CERS4: variants seen among roughly 807,000 people sequenced by gnomAD.
The protein encoded by CERS4 is LAG1 homolog, ceramide synthase 4.
CERS4 carries 65 observed loss-of-function variants against 51.8 expected under a neutral mutation model. The observed-to-expected ratio is 1.26, with a 90% CI of 1.03 to 1.54. CERS4 has a LOEUF of 1.54. Ranked by LOEUF, CERS4 falls within the 40% of genes most tolerant of loss-of-function variation. The pLI, the probability that CERS4 is intolerant of heterozygous loss-of-function variation, is 0.00. For synonymous variants in CERS4, 228 were observed against 208.4 expected, an observed-to-expected ratio of 1.09 and a Z score of -0.81; for missense variants, 563 against 500.4, an observed-to-expected ratio of 1.13 and a Z score of -1.19.
In CERS4 at chr19:8,261,938, G is replaced by A. The variant is rs756694466; in HGVS notation, c.1014G>A (p.Lys338=). The A allele has an allele frequency of 6.2e-7, 1 of 1,608,474 alleles. No individual in the cohort carries two copies. Among genetic ancestry groups the A allele is most frequent in the Non-Finnish European group, 8.5e-7 (1 of 1,176,874 alleles). The part of the protein sequence containing the change: ...YSFMKKGQME[K]DIRSDVEESD... ...CTCTCTCTGTTCCCCAGATGGAGAA[G>A]GACATTCGTAGTGATGTAGAAGAAT... Residue 338 remains lysine, a synonymous_variant, in exon 12 of 12, where the codon AAG becomes AAA. Transcript: ENST00000251363.
At chr19:8,256,006 T>G (rs2306199) in intron 6 of CERS4, 127 bp downstream of exon 6, 388,036 of 1,113,442 alleles carry the variant, frequency 0.35, 72,186 homozygotes, top group Non-Finnish European at 0.4. Context: ...GAGCGAGCTT[T>G]GCAAGATGGT....
chr19:8,234,410 G>A (rs1373224655), intron 2 of CERS4, among the ~76,000 whole-genome samples: 1 of 152,066 alleles, frequency 6.6e-6, no homozygotes, highest in Non-Finnish European at 1.5e-5. Context: ...CAGTCCTCCC[G>A]AGTAGCTGCA....
chr19:8,220,891 G>A (rs556937290), intron 2 of CERS4, among the ~76,000 whole-genome samples: 13 of 150,782 alleles, frequency 8.6e-5, no homozygotes, highest in East Asian at 5.9e-4. Flanking sequence ...GTGCAACCTC[G>A]GCTCACTGCA....
rs778104716 is a variant in CERS4, at chr19:8,254,618, T to C, written c.291+2T>C. 1.9e-6 allele frequency: 3 copies of C among 1,603,958 alleles called. No individual in the cohort carries two copies. Among genetic ancestry groups the C allele is most frequent in the Non-Finnish European group, 8.5e-7 (1 of 1,176,232 alleles). ...ACGGAAGGGCACAGGCCCAAGGAGG[T>C]GAGAGCCCCCCATGCCCTCCGACCC... On this transcript the variant is annotated splice_donor_variant, in intron 4 of 11. Coordinates refer to ENST00000251363, the MANE Select transcript of CERS4 (RefSeq NM_024552.3). LOFTEE classifies it high-confidence loss of function.
Position 8,257,034 on chromosome 19 carries a change from C to T in CERS4, c.698C>T (p.Ser233Phe), listed in dbSNP as rs768875563. The T allele has an allele frequency of 3.1e-6, 5 of 1,612,858 alleles. No individual in the cohort carries two copies. Among genetic ancestry groups the T allele is most frequent in the Admixed American group, 3.3e-5 (2 of 59,834 alleles). ...AGTGCCAACCTGCTGCGCATTGGCTCTCTGGTGCTGCTGTTACACGATTCC... is the reference window on the plus strand; with the variant it reads ...AGTGCCAACCTGCTGCGCATTGGCTTTCTGGTGCTGCTGTTACACGATTCC... ...SYSANLLRIG[S>F]LVLLLHDSSD... Residue 233 changes from serine (S) to phenylalanine (F), a missense_variant, in exon 9 of 12, where the codon TCT (serine) becomes TTT (phenylalanine). By Grantham distance (155) the Ser-to-Phe change is radical (BLOSUM62 -2). Coordinates refer to ENST00000251363, the MANE Select transcript of CERS4 (RefSeq NM_024552.3).
At chr19:8,244,549 T>TG (rs199914981) in intron 2 of CERS4, among the ~76,000 whole-genome samples, 2,011 of 152,234 alleles carry the variant, frequency 0.013, 20 homozygotes, top group Non-Finnish European at 0.018. Context: ...ATTTGGCTCT[T>TG]GGGGGGCCCC....
chr19:8,229,020 T>TAA (rs78709327), intron 2 of CERS4, among the ~76,000 whole-genome samples: 1 of 134,004 alleles, frequency 7.5e-6, no homozygotes, highest in Admixed American at 7.6e-5. Flanking sequence ...AGACTTCATC[T>TAA]AAAAAAAAAA....
At position 8,226,808 on chromosome 19, in the gene CERS4, C is replaced by T. The variant is rs1324718703; in HGVS notation, c.-2+15946C>T. Among the ~76,000 whole-genome samples, 4 of 151,982 alleles carry T rather than the reference C, an allele frequency of 2.6e-5. No homozygotes were observed. In the East Asian group the frequency reaches 7.7e-4, roughly 29 times the overall value. On this transcript the variant is annotated intron_variant, in intron 2 of 11. Coordinates refer to ENST00000251363, the MANE Select transcript of CERS4 (RefSeq NM_024552.3). ...AAGAGTTCGAGACCAGCCTGGCCAA[C>T]ATGCTGAAACCCCGTCTCTACTAAA...
rs560547053 is a variant in CERS4, at chr19:8,257,049, T to C, written c.713T>C (p.Leu238Ser). 1 of 1,610,900 alleles carries C rather than the reference T, an allele frequency of 6.2e-7. No homozygotes were observed. The highest frequency in any genetic ancestry group is 1.1e-5 in the South Asian group (1 of 90,738). Residue 238 changes from leucine to serine, a missense_variant, in exon 9 of 12, where the codon TTA becomes TCA. Coordinates refer to ENST00000251363, the MANE Select transcript of CERS4 (RefSeq NM_024552.3). ...CGCATTGGCTCTCTGGTGCTGCTGT[T>C]ACACGATTCCTCTGACTACCTGCTG... ...LLRIGSLVLL[L>S]HDSSDYLLEA...
At chr19:8,216,836 G>T (rs1359301724) in intron 2 of CERS4, among the ~76,000 whole-genome samples, 2 of 152,086 alleles carry the variant, frequency 1.3e-5, no homozygotes, top group East Asian at 1.9e-4. Flanking sequence ...GGCGTTGGGG[G>T]TAGCGTACCT....
intron 2 of CERS4, among the ~76,000 whole-genome samples, chr19:8,245,122 A>AAAAACAAAAAAAACAAAAACAAAC (rs1555777239): frequency 7.7e-6 from 1 of 129,258 alleles, no homozygotes; most frequent in African/African-American, 3.2e-5. Context: ...AAAAAAAAAA[A>AAAAACAAAAAAAACAAAAACAAAC]AAAAAAAAAA....
intron 3 of CERS4, 109 bp from the exon 4 acceptor site, chr19:8,254,390 C>A: frequency 1.3e-5 from 10 of 742,060 alleles, no homozygotes; most frequent in East Asian, 3.3e-5. Context: ...GAGCCTGTAA[C>A]TTTGCCCCTC....
chr19:8,241,029 A>G (rs1042309962), intron 2 of CERS4, among the ~76,000 whole-genome samples: 2 of 152,114 alleles, frequency 1.3e-5, no homozygotes, highest in African/African-American at 2.4e-5. Context: ...TGAGGGGAGA[A>G]GAGGCTGGTC....
chr19:8,245,021 G>A (rs1293612315), intron 2 of CERS4, among the ~76,000 whole-genome samples: 2 of 150,926 alleles, frequency 1.3e-5, no homozygotes, highest in African/African-American at 4.9e-5. Context: ...GCGGGCACCT[G>A]TAGTCCCAGC....
At position 8,257,041 on chromosome 19, in the gene CERS4, G is replaced by A; in HGVS notation, c.705G>A (p.Val235=). ...SANLLRIGSL[V]LLLHDSSDYL... ...ACCTGCTGCGCATTGGCTCTCTGGT[G>A]CTGCTGTTACACGATTCCTCTGACT... is the stretch of plus-strand genomic sequence containing the variant. The change falls in exon 9 of 12, where the codon GTG becomes GTA. Residue 235 remains valine, a synonymous_variant. Coordinates refer to ENST00000251363, the MANE Select transcript of CERS4 (RefSeq NM_024552.3). 2.5e-6 allele frequency: 4 copies of A among 1,612,284 alleles called. No homozygotes were observed. The highest frequency in any genetic ancestry group is 3.4e-6 in the Non-Finnish European group (4 of 1,178,962).
chr19:8,255,891 A>G lies in CERS4; in HGVS notation c.468+12A>G, dbSNP rs2145318262. The G allele has an allele frequency of 6.2e-7, 1 of 1,613,520 alleles. No individual in the cohort carries two copies. Among genetic ancestry groups the G allele is most frequent in the Non-Finnish European group, 8.5e-7 (1 of 1,179,850 alleles). ...CGGTCCTGTACCACGTGAGTATACC[A>G]GAGTATAGCTGACTGCTCACCTGCC... On this transcript the variant is annotated intron_variant, in intron 6 of 11. Transcript: ENST00000251363.
chr19:8,224,827 G>C (rs1193357767), intron 2 of CERS4, among the ~76,000 whole-genome samples: 4 of 152,162 alleles, frequency 2.6e-5, no homozygotes, highest in Admixed American at 1.3e-4. Flanking sequence ...ATGAGGAGCT[G>C]AGTGCCGAGA....
At chr19:8,230,843 T>C (rs1168977100) in intron 2 of CERS4, among the ~76,000 whole-genome samples, 1 of 152,120 alleles carries the variant, frequency 6.6e-6, no homozygotes, top group African/African-American at 2.4e-5. Flanking sequence ...TTGTTTTGTT[T>C]GTTTGTTTGT....
At chr19:8,253,613 C>A (rs948497010) in intron 3 of CERS4, among the ~76,000 whole-genome samples, 6 of 151,872 alleles carry the variant, frequency 4.0e-5, no homozygotes, top group African/African-American at 1.5e-4. Flanking sequence ...TACAGGGGCC[C>A]GCCACCTCGC....
Sources: allele counts gnomAD v4.1 joint callset (sites outside exome capture counted in the v4.1 genomes callset), GRCh38; gene constraint gnomAD v4.1.1; transcripts MANE v1.5; gene names NCBI Gene and HGNC (gene_info 2026-07-23, HGNC 2026-07-21).